CNBD1: variants seen among roughly 807,000 people sequenced by gnomAD.
CNBD1 encodes the protein cyclic nucleotide binding domain containing 1, also known as cyclic nucleotide-binding domain-containing protein 1.
In CNBD1, 71 loss-of-function variants were observed where a neutral mutation model predicts 54.4. That is an observed-to-expected ratio of 1.30 (90% confidence interval 1.08 to 1.59). The LOEUF (loss-of-function observed/expected upper bound fraction) is 1.59, where lower values mean the gene tolerates loss of function less well. Among genes scored for constraint, CNBD1 ranks in the 40% most tolerant of loss-of-function variants. The probability of loss-of-function intolerance (pLI) is 0.00; values close to 1 mark genes in which losing one functional copy is unlikely to be tolerated. For missense variants in CNBD1, 659 were observed against 518.0 expected (o/e 1.27, Z -2.64); for synonymous variants, 182 against 170.7 (o/e 1.07, Z -0.51).
intron 4 of CNBD1, among the ~76,000 whole-genome samples, chr8:87,195,649 C>T (rs751702885): frequency 6.6e-6 from 1 of 151,596 alleles, no homozygotes; most frequent in Non-Finnish European, 1.5e-5. Flanking sequence ...TCTCGGCTCA[C>T]TGCGACCTCT....
intron 1 of CNBD1, among the ~76,000 whole-genome samples, chr8:86,878,282 A>G (rs1429909831): frequency 6.6e-6 from 1 of 152,142 alleles, no homozygotes; most frequent in African/African-American, 2.4e-5. Flanking sequence ...ATTATTAAAT[A>G]GTGGTTATTT....
intron 4 of CNBD1, among the ~76,000 whole-genome samples, chr8:87,124,739 AATAAG>A (rs1811958359): frequency 2.0e-5 from 3 of 151,732 alleles, no homozygotes; most frequent in Admixed American, 2.0e-4. Context: ...CAATGTCAGA[AATAAG>A]ATAAGGATGC....
At chr8:87,278,877 T>G (rs1242535441) in intron 6 of CNBD1, among the ~76,000 whole-genome samples, 2 of 151,346 alleles carry the variant, frequency 1.3e-5, no homozygotes, top group Non-Finnish European at 3.0e-5. Flanking sequence ...GTAAAAAAAT[T>G]TTTCAATCCT....
intron 1 of CNBD1, among the ~76,000 whole-genome samples, chr8:86,877,514 C>T (rs76774313): frequency 0.018 from 2,730 of 152,232 alleles, 91 homozygotes; most frequent in African/African-American, 0.061. Context: ...TTTGCCAGGA[C>T]ATTGCTGTGG....
At chr8:87,377,675 G>T (rs1384260075) in intron 10 of CNBD1, among the ~76,000 whole-genome samples, 1 of 146,884 alleles carries the variant, frequency 6.8e-6, no homozygotes, top group Non-Finnish European at 1.5e-5. Flanking sequence ...CCCAGTAATG[G>T]GATGGCTGGG....
chr8:86,911,530 TATA>T, intron 3 of CNBD1, among the ~76,000 whole-genome samples: 1 of 152,320 alleles, frequency 6.6e-6, no homozygotes, highest in Admixed American at 6.5e-5. Context: ...TTATATTGTG[TATA>T]ATAATCAAAT....
chr8:87,106,229 T>A (rs1316139073), intron 4 of CNBD1, among the ~76,000 whole-genome samples: 2 of 152,064 alleles, frequency 1.3e-5, no homozygotes, highest in African/African-American at 4.8e-5. Context: ...TTCTTTTCTT[T>A]CTTTGGCAGA....
intron 2 of CNBD1, among the ~76,000 whole-genome samples, chr8:87,411,306 T>C (rs1164932764): frequency 6.7e-6 from 1 of 150,330 alleles, no homozygotes; most frequent in Admixed American, 6.7e-5. Flanking sequence ...TACAACCCTA[T>C]GTTTAACTTG....
At chr8:87,265,807 G>T (rs1325033925) in intron 6 of CNBD1, among the ~76,000 whole-genome samples, 2 of 152,028 alleles carry the variant, frequency 1.3e-5, no homozygotes, top group Non-Finnish European at 2.9e-5. Context: ...GTACTATATT[G>T]TCTATTACAG....
intron 10 of CNBD1, among the ~76,000 whole-genome samples, chr8:87,376,459 G>C (rs112440400): frequency 0.019 from 2,870 of 151,904 alleles, 93 homozygotes; most frequent in African/African-American, 0.063. Context: ...ATGAATTTTT[G>C]AGGGATGTAA....
intron 4 of CNBD1, among the ~76,000 whole-genome samples, chr8:86,964,610 G>C (rs892081516): frequency 1.3e-5 from 2 of 152,166 alleles, no homozygotes; most frequent in African/African-American, 4.8e-5. Flanking sequence ...AAGAGAAAAG[G>C]GGACCCGAAT....
At chr8:87,282,846 C>A (rs984722473) in intron 6 of CNBD1, among the ~76,000 whole-genome samples, 1 of 151,856 alleles carries the variant, frequency 6.6e-6, no homozygotes, top group South Asian at 2.1e-4. Flanking sequence ...CTAATGAGAT[C>A]GTAAATAGGA....
Position 87,382,693 on chromosome 8 carries a change from T to G in CNBD1, c.*66T>G. The G allele has an allele frequency of 8.5e-7, 1 of 1,182,546 alleles. No individual in the cohort carries two copies. The highest frequency in any genetic ancestry group is 1.2e-6 in the Non-Finnish European group (1 of 825,224). The allele number at this position is 1,182,546 out of a possible 1,614,324, so 73.3% of individuals were successfully genotyped here. On this transcript the variant is annotated 3_prime_UTR_variant, in exon 11 of 11. Transcript: ENST00000518476. Reference sequence around the variant, plus strand: ...TGACTAAATAATGGAATAATTGCATTCTGGAATACTATCAAACTACCAGCA... The same window carrying G: ...TGACTAAATAATGGAATAATTGCATGCTGGAATACTATCAAACTACCAGCA...
intron 5 of CNBD1, among the ~76,000 whole-genome samples, chr8:87,234,127 T>C (rs373507533): frequency 2.0e-5 from 3 of 152,288 alleles, no homozygotes; most frequent in Admixed American, 2.0e-4. Context: ...CTACTTTTAA[T>C]TCTAGTTATC....
intron 3 of CNBD1, among the ~76,000 whole-genome samples, chr8:86,934,269 A>G (rs1023049832): frequency 2.0e-5 from 3 of 152,152 alleles, no homozygotes; most frequent in Admixed American, 2.0e-4. Flanking sequence ...TTTAAATTAC[A>G]TATTTATGGA....
chr8:87,422,534 C>T (rs1018120038), intron 2 of CNBD1, among the ~76,000 whole-genome samples: 112 of 152,106 alleles, frequency 7.4e-4, no homozygotes, highest in Middle Eastern at 3.4e-3. Flanking sequence ...ATAGGGAATC[C>T]TTTCCCCATT....
chr8:87,068,158 G>C (rs1183230663), intron 4 of CNBD1, among the ~76,000 whole-genome samples: 1 of 151,618 alleles, frequency 6.6e-6, no homozygotes, highest in African/African-American at 2.4e-5. Context: ...TGACTTACTG[G>C]GTTACTCAGA....
chr8:87,259,833 G>T (rs1231491691), intron 6 of CNBD1, among the ~76,000 whole-genome samples: 1 of 152,126 alleles, frequency 6.6e-6, no homozygotes, highest in African/African-American at 2.4e-5. Context: ...ATTAAGCTGA[G>T]TTTTAACCAC....
chr8:87,283,303 T>C (rs1340464332), intron 6 of CNBD1, among the ~76,000 whole-genome samples: 1 of 152,074 alleles, frequency 6.6e-6, no homozygotes, highest in Non-Finnish European at 1.5e-5. Flanking sequence ...ACATTTTAAA[T>C]ATTTGTAGTT....
Sources: gnomAD v4.1 joint callset for allele counts (sites outside exome capture counted in the v4.1 genomes callset) on GRCh38, gnomAD v4.1.1 for gene constraint, MANE v1.5 for transcripts, NCBI Gene and HGNC (gene_info 2026-07-23, HGNC 2026-07-21) for gene names.